KARS1: variants seen among roughly 807,000 people sequenced by gnomAD.
KARS1 encodes the protein lysine--tRNA ligase.
A neutral mutation model predicts 63.9 loss-of-function variants in KARS1; 50 were observed. The ratio of observed to expected loss-of-function variants is 0.78; its 90% confidence interval spans 0.62 to 0.99. KARS1 has a LOEUF of 0.99. KARS1 is among the 50% of genes least tolerant of loss of function. The pLI, the probability that KARS1 is intolerant of heterozygous loss-of-function variation, is 0.00. For synonymous variants in KARS1, 320 were observed against 264.6 expected (o/e 1.21, Z -2.03); for missense variants, 816 against 754.5 (o/e 1.08, Z -0.95).
At chr16:75,636,685 G>A (rs569505827) in intron 3 of KARS1, 138 bp from the exon 4 acceptor site, 14 of 590,282 alleles carry the variant, frequency 2.4e-5, no homozygotes, top group African/African-American at 1.7e-4. Flanking sequence ...CCAGGCTGGA[G>A]TGCAGTGGCA....
rs747004598 is a variant in KARS1, at chr16:75,631,498, G to T, written c.1170C>A (p.Pro390=). ...CTTCTACCATGTTGATTCGCCGGAA[G>T]GGTGGGGTGAAGTCAACATCGTAGG... The part of the protein sequence containing the change: ...GQAYDVDFTP[P]FRRINMVEEL... The change falls in exon 9 of 14, where the codon CCC becomes CCA. Residue 390 remains proline (P), a synonymous_variant. Coordinates refer to ENST00000302445, the MANE Select transcript of KARS1 (RefSeq NM_005548.3). 2.0e-5 allele frequency: 32 copies of T among 1,614,190 alleles called. No individual in the cohort carries two copies. The South Asian group carries it at 3.0e-4, about 15-fold the overall frequency.
chr16:75,632,475 C>A (rs1413873391), intron 7 of KARS1, among the ~76,000 whole-genome samples: 29 of 152,344 alleles, frequency 1.9e-4, no homozygotes, highest in Non-Finnish European at 2.9e-5. Flanking sequence ...CTCCACCAGT[C>A]AGATACACTT....
chr16:75,644,536 G>T, intron 1 of KARS1: 1 of 1,102,186 alleles, frequency 9.1e-7, no homozygotes, highest in South Asian at 1.8e-5. Context: ...TCTCTTATGG[G>T]TTGGGGAGGG....
intron 12 of KARS1, 138 bp downstream of exon 12, chr16:75,629,277 G>C: frequency 3.9e-6 from 4 of 1,022,908 alleles, no homozygotes; most frequent in Non-Finnish European, 6.0e-6. Flanking sequence ...ATCTTGAAAT[G>C]TGACTCCTCC....
At chr16:75,628,479 C>A in intron 13 of KARS1, 90 bp downstream of exon 13, 1 of 1,480,066 alleles carries the variant, frequency 6.8e-7, no homozygotes, top group East Asian at 2.3e-5. Context: ...AAAGCCCTTC[C>A]TTAATTTTAT....
chr16:75,637,940 A>G (rs891354459), intron 3 of KARS1, among the ~76,000 whole-genome samples: 3 of 151,770 alleles, frequency 2.0e-5, no homozygotes, highest in Middle Eastern at 3.4e-3. Flanking sequence ...AAAGTGAGGA[A>G]GAAGAAGAGA....
intron 3 of KARS1, among the ~76,000 whole-genome samples, chr16:75,638,508 C>T (rs2082188967): frequency 6.6e-6 from 1 of 151,862 alleles, no homozygotes; most frequent in Non-Finnish European, 1.5e-5. Context: ...TTCTAACTTA[C>T]TATTCAAAAA....
At chr16:75,643,642 G>A (rs555578124) in intron 1 of KARS1, among the ~76,000 whole-genome samples, 61 of 152,304 alleles carry the variant, frequency 4.0e-4, no homozygotes, top group African/African-American at 1.4e-3. Flanking sequence ...GCCTCCCAAA[G>A]TGCTGGGATT....
intron 13 of KARS1, among the ~76,000 whole-genome samples, 168 bp downstream of exon 13, chr16:75,628,401 T>C (rs1241213153): frequency 5.3e-5 from 8 of 152,228 alleles, no homozygotes; most frequent in African/African-American, 1.9e-4. Flanking sequence ...CCAAATCCTT[T>C]AAGGTCAGAG....
At chr16:75,632,222 G>GA (rs2082122379) in intron 7 of KARS1, among the ~76,000 whole-genome samples, 2 of 152,126 alleles carry the variant, frequency 1.3e-5, no homozygotes, top group Admixed American at 1.3e-4. Flanking sequence ...AACAGCTCTG[G>GA]GAAGTTTCAG....
intron 1 of KARS1, among the ~76,000 whole-genome samples, chr16:75,643,163 C>T (rs888144427): frequency 1.3e-5 from 2 of 152,138 alleles, no homozygotes; most frequent in African/African-American, 4.8e-5. Context: ...AGAAACTAAA[C>T]AGATTGGTGT....
At chr16:75,629,135 C>T (rs2082082395) in intron 12 of KARS1, 3 of 491,640 alleles carry the variant, frequency 6.1e-6, no homozygotes, top group Admixed American at 3.3e-5. Context: ...CACCTTAATA[C>T]ATGTACAATC....
intron 7 of KARS1, among the ~76,000 whole-genome samples, chr16:75,633,515 C>CT (rs770761249): frequency 0.13 from 15,973 of 127,496 alleles, 1,306 homozygotes; most frequent in Non-Finnish European, 0.15. Context: ...TTTGAAGATA[C>CT]TTTTTTTTTT....
chr16:75,640,278 C>A lies in KARS1; in HGVS notation c.294G>T (p.Lys98Asn). 6.2e-7 allele frequency: 1 copy of A among 1,612,592 alleles called. No individual in the cohort carries two copies. Among genetic ancestry groups the A allele is most frequent in the Non-Finnish European group, 8.5e-7 (1 of 1,179,832 alleles). Residue 98 changes from lysine to asparagine, a missense_variant, in exon 3 of 14, where the codon AAG becomes AAT. By Grantham distance (94) the Lys-to-Asn change is moderately conservative. Coordinates refer to ENST00000302445, the MANE Select transcript of KARS1 (RefSeq NM_005548.3). ...KVNGEDPYPH[K>N]FHVDISLTDF... Reference sequence around the variant, plus strand: ...CAGTGAGTGAGATGTCTACATGGAACTTGTGTGGGTATGGGTCTTCCCCAT... The same window carrying A: ...CAGTGAGTGAGATGTCTACATGGAAATTGTGTGGGTATGGGTCTTCCCCAT...
chr16:75,644,206 G>A, intron 1 of KARS1: 1 of 1,355,422 alleles, frequency 7.4e-7, no homozygotes, highest in Non-Finnish European at 1.0e-6. Flanking sequence ...GACTTAGCCA[G>A]AGGCTTAACG....
chr16:75,645,449 T>C (rs1254187698), intron 1 of KARS1, among the ~76,000 whole-genome samples: 1 of 152,216 alleles, frequency 6.6e-6, no homozygotes, highest in African/African-American at 2.4e-5. Flanking sequence ...ATAACTCCTC[T>C]TGCAAGGTTA....
intron 10 of KARS1, 148 bp downstream of exon 10, chr16:75,631,020 A>C: frequency 2.9e-6 from 2 of 696,148 alleles, no homozygotes; most frequent in Non-Finnish European, 5.2e-6. Flanking sequence ...ATGACAGTTA[A>C]AAGTCTGTTA....
chr16:75,633,681 C>G (rs2082134385), intron 7 of KARS1, among the ~76,000 whole-genome samples: 1 of 152,130 alleles, frequency 6.6e-6, no homozygotes, highest in African/African-American at 2.4e-5. Context: ...CCACGCCCAG[C>G]TAATTTTTGT....
chr16:75,634,211 T>G lies in KARS1; in HGVS notation c.877A>C (p.Asn293His). 1.2e-6 allele frequency: 2 copies of G among 1,614,060 alleles called. No homozygotes were observed. Among genetic ancestry groups the G allele is most frequent in the Non-Finnish European group, 1.7e-6 (2 of 1,179,900 alleles). Residue 293 changes from asparagine to histidine, a missense_variant, in exon 7 of 14, where the codon AAC becomes CAC. Coordinates refer to ENST00000302445, the MANE Select transcript of KARS1 (RefSeq NM_005548.3). ...TCTGGAGCAATTCTCATATATAAGT[T>G]CATGTCCAGCTCGTTGTGATAAGTG... The part of the protein sequence containing the change: ...FITYHNELDM[N>H]LYMRIAPELY...
Sources: allele counts gnomAD v4.1 joint callset (sites outside exome capture counted in the v4.1 genomes callset), GRCh38; gene constraint gnomAD v4.1.1; transcripts MANE v1.5; gene names NCBI Gene and HGNC (gene_info 2026-07-23, HGNC 2026-07-21).